The following CASD1 variants were observed in gnomAD, a reference collection of about 807,000 sequenced individuals.
CASD1 encodes the protein CAS1 domain sialic acid O acetyltransferase 1, also known as N-acetylneuraminate (7)9-O-acetyltransferase.
Under a neutral mutation model 100.0 loss-of-function variants are expected in CASD1, and 41 were observed. The observed-to-expected ratio is 0.41, with a 90% CI of 0.32 to 0.53. The LOEUF is 0.53. Ranked by LOEUF, CASD1 falls within the 20% of genes least tolerant of loss-of-function variation. The pLI is 0.25. For synonymous variants in CASD1, 321 were observed against 315.6 expected (o/e 1.02, Z -0.18); for missense variants, 774 against 948.7 (o/e 0.82, Z 2.42).
chr7:94,559,954 G>A (rs977675382), downstream of CASD1, among the ~76,000 whole-genome samples: 1 of 152,070 alleles, frequency 6.6e-6, no homozygotes, highest in Non-Finnish European at 1.5e-5. Flanking sequence ...TATATTAAAA[G>A]CTTATACTAT....
the CASD1 span, among the ~76,000 whole-genome samples, chr7:94,591,536 T>C: frequency 6.6e-6 from 1 of 152,168 alleles, no homozygotes; most frequent in African/African-American, 2.4e-5. Context: ...AGGTAGTGGT[T>C]AGTAAACAAA....
the CASD1 span, among the ~76,000 whole-genome samples, chr7:94,573,444 T>C: frequency 6.6e-6 from 1 of 152,320 alleles, no homozygotes; most frequent in Non-Finnish European, 1.5e-5. Context: ...ATCTTTCACC[T>C]CCCTGATTAG....
In CASD1 at chr7:94,533,235, G is replaced by C; in HGVS notation, c.490G>C (p.Ala164Pro). 1 of 1,609,828 alleles carries C rather than the reference G, an allele frequency of 6.2e-7. No individual in the cohort carries two copies. Among genetic ancestry groups the C allele is most frequent in the Non-Finnish European group, 8.5e-7 (1 of 1,177,240 alleles). The change falls in exon 6 of 18, where the codon GCA (alanine) becomes CCA (proline). Residue 164 changes from alanine (A) to proline (P), a missense_variant. Physicochemically the swap from Ala to Pro is conservative, Grantham distance 27. Coordinates refer to ENST00000297273, the MANE Select transcript of CASD1 (RefSeq NM_022900.5). The stretch of plus-strand genomic sequence containing the variant: ...CATTGCAAAGCCACATGTGATTGTA[G>C]CAGGAGCTGCCACAGTAAGTTATCA... ...DSIAKPHVIV[A>P]GAATWSIKIH...
the CASD1 span, among the ~76,000 whole-genome samples, chr7:94,580,344 G>A: frequency 2.0e-5 from 3 of 151,946 alleles, no homozygotes; most frequent in African/African-American, 7.3e-5. Flanking sequence ...TCGTTACTGC[G>A]GCTACACTGG....
chr7:94,581,799 A>G, the CASD1 span, among the ~76,000 whole-genome samples: 12 of 152,080 alleles, frequency 7.9e-5, no homozygotes, highest in African/African-American at 2.4e-4. Flanking sequence ...GGTTGATTCT[A>G]CCTCTCTGCT....
At chr7:94,596,858 T>G in the CASD1 span, among the ~76,000 whole-genome samples, 1 of 152,142 alleles carries the variant, frequency 6.6e-6, no homozygotes, top group Admixed American at 6.5e-5. Context: ...TCTGTCAACA[T>G]TTCACTGGCA....
intron 10 of CASD1, among the ~76,000 whole-genome samples, chr7:94,542,853 A>G (rs1477944393): frequency 6.6e-6 from 1 of 152,178 alleles, no homozygotes; most frequent in Non-Finnish European, 1.5e-5. Context: ...TTGTGATTCT[A>G]ATATGTTACA....
At chr7:94,540,206 T>G (rs994420608) in intron 10 of CASD1, among the ~76,000 whole-genome samples, 4 of 152,154 alleles carry the variant, frequency 2.6e-5, no homozygotes, top group African/African-American at 9.7e-5. Context: ...GATGCAAACT[T>G]TCCATAAAAT....
At chr7:94,586,074 A>C in the CASD1 span, among the ~76,000 whole-genome samples, 4 of 150,026 alleles carry the variant, frequency 2.7e-5, no homozygotes, top group South Asian at 4.2e-4. Context: ...AAAAAAAAAA[A>C]AAAAAAAAAA....
chr7:94,610,996 T>C, the CASD1 span, among the ~76,000 whole-genome samples: 3 of 152,160 alleles, frequency 2.0e-5, no homozygotes, highest in Admixed American at 2.0e-4. Flanking sequence ...AGGCAGATAA[T>C]AGCTAGTGCT....
the CASD1 span, chr7:94,588,386 T>A: frequency 8.6e-7 from 1 of 1,165,906 alleles, no homozygotes. Flanking sequence ...GAATCTTTCA[T>A]ACCAAGGGGA....
the CASD1 span, among the ~76,000 whole-genome samples, chr7:94,616,211 T>A: frequency 1.3e-5 from 2 of 152,164 alleles, no homozygotes; most frequent in Non-Finnish European, 2.9e-5. Flanking sequence ...GTAGTAGATT[T>A]ACTCTGAGGT....
At chr7:94,585,578 G>T in the CASD1 span, 1 of 1,099,100 alleles carries the variant, frequency 9.1e-7, no homozygotes, top group South Asian at 1.2e-5. Flanking sequence ...TTTAGATTTT[G>T]AGCAAAGCAA....
the CASD1 span, chr7:94,619,177 C>T: frequency 3.0e-5 from 15 of 507,392 alleles, no homozygotes; most frequent in East Asian, 4.9e-4. Context: ...AAATCCAAGG[C>T]TCATCAGAGG....
At chr7:94,607,961 G>T in the CASD1 span, among the ~76,000 whole-genome samples, 2 of 152,138 alleles carry the variant, frequency 1.3e-5, no homozygotes, top group Non-Finnish European at 2.9e-5. Flanking sequence ...CAAAATACAT[G>T]AGGCAAGAGC....
chr7:94,511,859 A>G (rs1793726130), intron 1 of CASD1, among the ~76,000 whole-genome samples: 1 of 152,164 alleles, frequency 6.6e-6, no homozygotes, highest in African/African-American at 2.4e-5. Context: ...ATCAGCAGGG[A>G]GAATAGAATG....
intron 15 of CASD1, 192 bp from the exon 16 acceptor site, chr7:94,552,158 T>C: frequency 1.9e-6 from 1 of 533,672 alleles, no homozygotes; most frequent in Non-Finnish European, 3.2e-6. Flanking sequence ...CTCTGTGCTT[T>C]CTTATGTTTG....
the CASD1 span, chr7:94,588,376 G>A: frequency 8.7e-7 from 1 of 1,149,312 alleles, no homozygotes; most frequent in Non-Finnish European, 1.1e-6. Context: ...TCCAAGCTAA[G>A]AATCTTTCAT....
At chr7:94,569,441 T>A in the CASD1 span, among the ~76,000 whole-genome samples, 41 of 152,012 alleles carry the variant, frequency 2.7e-4, no homozygotes, top group Non-Finnish European at 5.0e-4. Context: ...GAAAAAAAAA[T>A]TTCAGAAATC....
Sources: gnomAD v4.1 joint callset for allele counts (sites outside exome capture counted in the v4.1 genomes callset) on GRCh38, gnomAD v4.1.1 for gene constraint, MANE v1.5 for transcripts, NCBI Gene and HGNC (gene_info 2026-07-23, HGNC 2026-07-21) for gene names.